ARPP21: variants seen among roughly 807,000 people sequenced by gnomAD.
ARPP21 encodes the protein cAMP regulated phosphoprotein 21.
A neutral mutation model predicts 113.2 loss-of-function variants in ARPP21; 69 were observed. That is an observed-to-expected ratio of 0.61 (90% confidence interval 0.50 to 0.74). The LOEUF (loss-of-function observed/expected upper bound fraction) is 0.74. ARPP21 is among the 30% of genes least tolerant of loss of function. The pLI is 0.00. For missense variants in ARPP21, 1,070 were observed against 1,037.4 expected, an observed-to-expected ratio of 1.03 and a Z score of -0.43; for synonymous variants, 368 against 375.5, an observed-to-expected ratio of 0.98 and a Z score of 0.23.
intron 19 of ARPP21, among the ~76,000 whole-genome samples, chr3:35,789,216 C>T (rs1421264287): frequency 3.3e-5 from 5 of 152,210 alleles, no homozygotes; most frequent in Non-Finnish European, 7.3e-5. Flanking sequence ...AAGCAGTTCT[C>T]ACCAGTGCTG....
chr3:35,653,256 C>G (rs1703232153), intron 1 of ARPP21, among the ~76,000 whole-genome samples: 1 of 143,660 alleles, frequency 7.0e-6, no homozygotes, highest in Non-Finnish European at 1.5e-5. Flanking sequence ...TTTAGGGATT[C>G]TTGTTGAAGG....
intron 7 of ARPP21, among the ~76,000 whole-genome samples, chr3:35,689,849 A>G (rs950144298): frequency 1.3e-5 from 2 of 151,580 alleles, no homozygotes; most frequent in African/African-American, 4.8e-5. Context: ...CAAAATTTAG[A>G]TATTTCAATA....
chr3:35,682,860 G>C lies in ARPP21; in HGVS notation c.142G>C (p.Ala48Pro). The change falls in exon 4 of 21, where the codon GCT (alanine) becomes CCT (proline). Residue 48 changes from alanine (A) to proline (P), a missense_variant. By Grantham distance (27) the Ala-to-Pro change is conservative. Transcript: ENST00000684406. ...EKLELQRRLE[A>P]QNQERRKSKS... ...TTCCAACATACAGAGGCGGCTGGAG[G>C]CTCAGAATCAAGAAAGAAGAAAATC... 3 of 1,608,382 alleles carry C rather than the reference G, an allele frequency of 1.9e-6. No homozygotes were observed. Among genetic ancestry groups the C allele is most frequent in the Non-Finnish European group, 2.5e-6 (3 of 1,177,078 alleles).
intron 15 of ARPP21, among the ~76,000 whole-genome samples, chr3:35,731,330 T>C (rs897105795): frequency 7.9e-5 from 12 of 152,212 alleles, no homozygotes; most frequent in African/African-American, 2.4e-4. Context: ...TCTTTTTCAT[T>C]GGACCGAGTC....
intron 8 of ARPP21, 102 bp from the exon 9 acceptor site, chr3:35,690,763 G>A: frequency 1.8e-6 from 2 of 1,109,170 alleles, no homozygotes; most frequent in Non-Finnish European, 1.2e-6. Flanking sequence ...AGGCTTAGTG[G>A]TTTAGATGAA....
chr3:35,749,007 G>A (rs2095299490), intron 19 of ARPP21, among the ~76,000 whole-genome samples: 1 of 152,158 alleles, frequency 6.6e-6, no homozygotes, highest in South Asian at 2.1e-4. Flanking sequence ...CATGTGTTAA[G>A]CATTTTATTG....
chr3:35,684,436 G>A, intron 5 of ARPP21: 1 of 976,156 alleles, frequency 1.0e-6, no homozygotes, highest in Non-Finnish European at 1.2e-6. Flanking sequence ...AGATTAGTAG[G>A]TTATAAAAAT....
At chr3:35,755,720 G>A (rs2095547297) in intron 19 of ARPP21, among the ~76,000 whole-genome samples, 1 of 152,072 alleles carries the variant, frequency 6.6e-6, no homozygotes, top group African/African-American at 2.4e-5. Context: ...ACTTCACGTA[G>A]CAATTAGTTG....
intron 19 of ARPP21, among the ~76,000 whole-genome samples, chr3:35,769,503 C>T (rs183512219): frequency 5.5e-4 from 84 of 152,294 alleles, no homozygotes; most frequent in Non-Finnish European, 9.6e-4. Context: ...ATGTTGACTC[C>T]TTGACACAGC....
Position 35,684,978 on chromosome 3 carries a change from A to G in ARPP21, c.261+1163A>G, listed in dbSNP as rs957122494. On this transcript the variant is annotated intron_variant, in intron 5 of 20. Transcript: ENST00000684406. ...GCTTCTCTTTTTAATGGAGATTGAA[A>G]AGGGAGAATAATGTGAATATCACGG... The G allele has an allele frequency of 3.0e-6, 3 of 984,108 alleles. 1 individual carries two copies. The highest frequency in any genetic ancestry group is 3.6e-6 in the Non-Finnish European group (3 of 828,826). 61.0% of individuals were successfully genotyped at this position (984,108 alleles called of 1,614,324 possible). A position where few individuals can be genotyped will look rare whatever the true frequency, so the allele number is the denominator to read the frequency against.
intron 19 of ARPP21, among the ~76,000 whole-genome samples, chr3:35,746,874 G>A (rs1225605839): frequency 6.6e-6 from 1 of 152,090 alleles, no homozygotes; most frequent in Non-Finnish European, 1.5e-5. Context: ...GTGAATTTTT[G>A]TAAAGTGAAC....
At chr3:35,649,993 C>T (rs1400340999) in intron 1 of ARPP21, among the ~76,000 whole-genome samples, 1 of 152,048 alleles carries the variant, frequency 6.6e-6, no homozygotes, top group Non-Finnish European at 1.5e-5. Context: ...AATGAACTTC[C>T]ATTCACCCAT....
intron 1 of ARPP21, among the ~76,000 whole-genome samples, chr3:35,676,222 T>C (rs1250263604): frequency 6.6e-6 from 1 of 151,974 alleles, no homozygotes; most frequent in African/African-American, 2.4e-5. Flanking sequence ...TTCCTTAGTT[T>C]TAATGGCATT....
chr3:35,758,627 A>G (rs73061112), intron 19 of ARPP21, among the ~76,000 whole-genome samples: 1 of 151,868 alleles, frequency 6.6e-6, no homozygotes, highest in African/African-American at 2.4e-5. Flanking sequence ...CTCCTTCCCC[A>G]GCACCCTTCA....
At position 35,794,291 on chromosome 3, in the gene ARPP21, A is replaced by T. The variant is rs1318744698; in HGVS notation, c.*333A>T. The T allele has an allele frequency of 7.1e-6, 2 of 280,068 alleles. No homozygotes were observed. Among genetic ancestry groups the T allele is most frequent in the Non-Finnish European group, 6.8e-6 (1 of 147,934 alleles). The allele number at this position is 280,068 out of a possible 1,614,324, so 17.3% of individuals were successfully genotyped here. A position where few individuals can be genotyped will look rare whatever the true frequency, so the allele number is the denominator to read the frequency against. ...ACTTTGTGTTGAGTTTGTGATGCTA[A>T]AAGTATTTAAAAATTATATACTAAA... On this transcript the variant is annotated 3_prime_UTR_variant, in exon 21 of 21. Transcript: ENST00000684406.
intron 20 of ARPP21, among the ~76,000 whole-genome samples, chr3:35,793,194 C>T (rs1246535864): frequency 6.6e-6 from 1 of 152,180 alleles, no homozygotes; most frequent in Non-Finnish European, 1.5e-5. Context: ...CAACTTCTAC[C>T]TCCACCTCCA....
At chr3:35,715,115 G>A (rs2092164866) in intron 11 of ARPP21, 2 of 241,828 alleles carry the variant, frequency 8.3e-6, no homozygotes, top group Admixed American at 5.0e-5. Context: ...TGCAGCTCCA[G>A]AAGAAACCAC....
chr3:35,670,027 C>T (rs1559555710), intron 1 of ARPP21, among the ~76,000 whole-genome samples: 9 of 152,266 alleles, frequency 5.9e-5, no homozygotes. Context: ...TCAATAGTTT[C>T]TGCCAGGTCC....
At chr3:35,647,607 G>A (rs923563697) in intron 1 of ARPP21, among the ~76,000 whole-genome samples, 1 of 152,314 alleles carries the variant, frequency 6.6e-6, no homozygotes, top group South Asian at 2.1e-4. Context: ...AGGGCTAAAA[G>A]TGGTGTATCT....
Sources: allele counts gnomAD v4.1 joint callset (sites outside exome capture counted in the v4.1 genomes callset), GRCh38; gene constraint gnomAD v4.1.1; transcripts MANE v1.5; gene names NCBI Gene and HGNC (gene_info 2026-07-23, HGNC 2026-07-21).